PPP2R5A: variants seen among roughly 807,000 people sequenced by gnomAD.
PPP2R5A encodes the protein serine/threonine-protein phosphatase 2A 56 kDa regulatory subunit alpha isoform.
A neutral mutation model predicts 64.2 loss-of-function variants in PPP2R5A; 25 were observed. That is an observed-to-expected ratio of 0.39 (90% CI 0.28 to 0.54). The LOEUF is 0.54. Among genes scored for constraint, PPP2R5A ranks in the 20% least tolerant of loss-of-function variants. The probability of loss-of-function intolerance (pLI) is 0.67; values close to 1 mark genes in which losing one functional copy is unlikely to be tolerated. For synonymous variants in PPP2R5A, 198 were observed against 201.2 expected (o/e 0.98, Z 0.13); for missense variants, 425 against 576.3 (o/e 0.74, Z 2.69).
At chr1:212,321,244 C>T (rs1320472084) in intron 1 of PPP2R5A, among the ~76,000 whole-genome samples, 3 of 144,452 alleles carry the variant, frequency 2.1e-5, no homozygotes, top group Non-Finnish European at 1.5e-5. Flanking sequence ...CAGAGGGGCT[C>T]CTCACTTCCC....
rs1187981087 is a variant in PPP2R5A at position 212,311,977 on chromosome 1, A to G, written c.182-17158A>G. On this transcript the variant is annotated intron_variant, in intron 1 of 12. Transcript: ENST00000261461. ...CCTAAATATACCGTTTATAAAGTCT[A>G]TAGTAGTGTACAGTAATGTCCTAGG... Among the ~76,000 whole-genome samples, 10 of 152,250 alleles carry G rather than the reference A, an allele frequency of 6.6e-5. No individual in the cohort carries two copies. The East Asian group carries it at 1.5e-3, about 23-fold the overall frequency.
In PPP2R5A at chr1:212,285,965, G is replaced by A. The variant is rs961501026; in HGVS notation, c.-146G>A. ...TTGGCGGGCGGCGAGGAGAAGCTCG[G>A]CGGCGTCCCGGGGCCGGAGGGCCGT... On this transcript the variant is annotated 5_prime_UTR_variant, in exon 1 of 13. Coordinates refer to ENST00000261461, the MANE Select transcript of PPP2R5A (RefSeq NM_006243.4). The A allele has an allele frequency of 2.6e-6, 2 of 761,834 alleles. No homozygotes were observed. The highest frequency in any genetic ancestry group is 3.7e-6 in the Non-Finnish European group (2 of 541,624). The allele number at this position is 761,834 out of a possible 1,614,324, so 47.2% of individuals were successfully genotyped here. A position where few individuals can be genotyped will look rare whatever the true frequency, so the allele number is the denominator to read the frequency against.
At position 212,357,037 on chromosome 1, in the gene PPP2R5A, A is replaced by G. The variant is rs749630804; in HGVS notation, c.1066A>G (p.Ile356Val). 1 of 1,612,406 alleles carries G rather than the reference A, an allele frequency of 6.2e-7. No homozygotes were observed. Among genetic ancestry groups the G allele is most frequent in the East Asian group, 2.2e-5 (1 of 44,782 alleles). ...AATTGAAGAGCCACTTTTCAAGCAGATATCCAAGTGTGTATCCAGTTCTCA... is the reference window on the plus strand; with the variant it reads ...AATTGAAGAGCCACTTTTCAAGCAGGTATCCAAGTGTGTATCCAGTTCTCA... ...KKIEEPLFKQ[I>V]SKCVSSSHFQ... The change falls in exon 10 of 13, where the codon ATA becomes GTA. Residue 356 changes from isoleucine (I) to valine (V), a missense_variant. Physicochemically the swap from Ile to Val is conservative, Grantham distance 29 (BLOSUM62 3). Coordinates refer to ENST00000261461, the MANE Select transcript of PPP2R5A (RefSeq NM_006243.4).
intron 7 of PPP2R5A, 133 bp from the exon 8 acceptor site, chr1:212,349,056 T>C (rs1273160993): frequency 6.2e-6 from 3 of 486,748 alleles, no homozygotes; most frequent in African/African-American, 4.0e-5. Flanking sequence ...TCATTCACAG[T>C]TGTGAGTATA....
At chr1:212,309,393 C>T (rs892256109) in intron 1 of PPP2R5A, 51 of 1,457,292 alleles carry the variant, frequency 3.5e-5, no homozygotes, top group Non-Finnish European at 4.2e-5. Context: ...AGGTGGGTGA[C>T]GTGCGGATCT....
At chr1:212,316,010 G>T (rs1002028769) in intron 1 of PPP2R5A, among the ~76,000 whole-genome samples, 1 of 152,112 alleles carries the variant, frequency 6.6e-6, no homozygotes, top group South Asian at 2.1e-4. Flanking sequence ...TGTTCTGATG[G>T]CTCCACCAAC....
At chr1:212,309,458 C>A in intron 1 of PPP2R5A, 1 of 942,458 alleles carries the variant, frequency 1.1e-6, no homozygotes, top group Non-Finnish European at 1.7e-6. Context: ...GCCTTTAAAG[C>A]CTTCGCTTTG....
At position 212,297,093 on chromosome 1, in the gene PPP2R5A, C is replaced by CCTCTTTTT. The variant is rs1558138694; in HGVS notation, c.181+10802_181+10803insCTCTTTTT. Among the ~76,000 whole-genome samples the CCTCTTTTT allele has an allele frequency of 6.1e-5, 5 of 81,932 alleles. 1 individual carries two copies. Among genetic ancestry groups the CCTCTTTTT allele is most frequent in the African/African-American group, 2.5e-4 (5 of 20,014 alleles). The allele number at this position is 81,932 out of a possible 152,430, so 53.8% of individuals were successfully genotyped here. A position where few individuals can be genotyped will look rare whatever the true frequency, so the allele number is the denominator to read the frequency against. ...ACGTTTCTTTTCTTTTTCTTTGCTT[C>CCTCTTTTT]TTCTTTTTTTTTTTTTTTTTTTTTT... On this transcript the variant is annotated intron_variant, in intron 1 of 12. Transcript: ENST00000261461.
At chr1:212,311,506 A>G (rs865781216) in intron 1 of PPP2R5A, among the ~76,000 whole-genome samples, 1 of 152,184 alleles carries the variant, frequency 6.6e-6, no homozygotes, top group Non-Finnish European at 1.5e-5. Flanking sequence ...AATTATGTAC[A>G]ATACATAATA....
Position 212,286,202 on chromosome 1 carries a change from A to G in PPP2R5A, c.92A>G (p.Lys31Arg), listed in dbSNP as rs773733633. The change falls in exon 1 of 13, where the codon AAG (lysine) becomes AGG (arginine). Residue 31 changes from lysine to arginine, a missense_variant. Lys to Arg is a conservative substitution (Grantham distance 26, BLOSUM62 2). Coordinates refer to ENST00000261461, the MANE Select transcript of PPP2R5A (RefSeq NM_006243.4). ...VDGFTRKSVRKAQRQKRSQGS... is the reference protein window; with the variant it reads ...VDGFTRKSVRRAQRQKRSQGS... Reference sequence around the variant, plus strand: ...GGCTTCACCCGGAAATCGGTCCGCAAGGCGCAGAGGCAGAAGCGCTCCCAG... The same window carrying G: ...GGCTTCACCCGGAAATCGGTCCGCAGGGCGCAGAGGCAGAAGCGCTCCCAG... 29 of 1,581,044 alleles carry G rather than the reference A, an allele frequency of 1.8e-5. 1 individual carries two copies. In the Middle Eastern group the frequency reaches 1.0e-3, roughly 54 times the overall value.
chr1:212,309,211 T>G (rs751695287), intron 1 of PPP2R5A: 24 of 1,405,430 alleles, frequency 1.7e-5, no homozygotes, highest in Non-Finnish European at 2.4e-5. Context: ...CTTGTTGGCT[T>G]TAACATCCAC....
chr1:212,314,557 ATTT>A (rs1212438178), intron 1 of PPP2R5A, among the ~76,000 whole-genome samples: 4 of 127,806 alleles, frequency 3.1e-5, no homozygotes, highest in Admixed American at 7.8e-5. Context: ...CACCAAGCCT[ATTT>A]TTTTTTTTTT....
At chr1:212,317,753 C>T (rs575532057) in intron 1 of PPP2R5A, among the ~76,000 whole-genome samples, 9 of 151,864 alleles carry the variant, frequency 5.9e-5, no homozygotes, top group African/African-American at 9.7e-5. Context: ...TTTAGGAGGC[C>T]GAGGCAGGCG....
At chr1:212,298,845 A>ACCTCCCC (rs1658743301) in intron 1 of PPP2R5A, among the ~76,000 whole-genome samples, 1 of 28,720 alleles carries the variant, frequency 3.5e-5, no homozygotes, top group Non-Finnish European at 6.3e-5. Flanking sequence ...GGCGCCCCTC[A>ACCTCCCC]CCTCCCGGAC....
chr1:212,355,924 G>GT (rs1659969071), intron 8 of PPP2R5A, among the ~76,000 whole-genome samples: 1 of 151,980 alleles, frequency 6.6e-6, no homozygotes, highest in African/African-American at 2.4e-5. Context: ...AATTAGCTGG[G>GT]TGTGGTGGTG....
At chr1:212,357,317 C>CTTTTTTTTTTT in intron 11 of PPP2R5A, 33 bp downstream of exon 11, 1 of 1,158,736 alleles carries the variant, frequency 8.6e-7, no homozygotes, top group East Asian at 3.2e-5. Context: ...GTATTTTTTT[C>CTTTTTTTTTTT]TTTTTTTTTT....
At chr1:212,319,543 A>G (rs930465744) in intron 1 of PPP2R5A, 2 of 152,232 alleles carry the variant, frequency 1.3e-5, no homozygotes, top group African/African-American at 4.8e-5. Flanking sequence ...GCTGAAGAAT[A>G]AAGTGGCCAG....
At position 212,346,556 on chromosome 1, in the gene PPP2R5A, A is replaced by G. The variant is rs904419767; in HGVS notation, c.704+623A>G. ...ATGCTGTGCAAATAGATGTTATTCT[A>G]TATTTTAAATTTGTATTTATTTTTC... On this transcript the variant is annotated intron_variant, in intron 5 of 12. Transcript: ENST00000261461. Among the ~76,000 whole-genome samples, 6 of 152,234 alleles carry G rather than the reference A, an allele frequency of 3.9e-5. No individual in the cohort carries two copies. In the South Asian group the frequency reaches 8.3e-4, roughly 21 times the overall value.
chr1:212,309,123 T>C (rs780093280), intron 1 of PPP2R5A: 38 of 1,018,914 alleles, frequency 3.7e-5, no homozygotes, highest in Non-Finnish European at 5.5e-5. Flanking sequence ...CCTTCTTCTC[T>C]CCATCAGGCC....
Sources: allele counts gnomAD v4.1 joint callset (sites outside exome capture counted in the v4.1 genomes callset), GRCh38; gene constraint gnomAD v4.1.1; transcripts MANE v1.5; gene names NCBI Gene and HGNC (gene_info 2026-07-23, HGNC 2026-07-21).